The following MAOB variants were observed in gnomAD, a reference collection of about 807,000 sequenced individuals.
MAOB encodes the protein monoamine oxidase B.
A neutral mutation model predicts 41.9 loss-of-function variants in MAOB; 15 were observed. That is an observed-to-expected ratio of 0.36 (90% confidence interval 0.24 to 0.55). The LOEUF (loss-of-function observed/expected upper bound fraction) is 0.55. Ranked by LOEUF, MAOB falls within the 20% of genes least tolerant of loss-of-function variation. The pLI, the probability that MAOB is intolerant of heterozygous loss-of-function variation, is 0.86. For synonymous variants in MAOB, 167 were observed against 144.2 expected, an observed-to-expected ratio of 1.16 and a Z score of -1.13; for missense variants, 345 against 398.7, an observed-to-expected ratio of 0.87 and a Z score of 1.15.
chrX:43,848,517 T>G (rs1362041991), intron 1 of MAOB, among the ~76,000 whole-genome samples: 1 of 111,059 alleles, frequency 9.0e-6, no homozygotes, highest in African/African-American at 3.3e-5. Context: ...GTTTTTTTTT[T>G]TATGTTGTTG....
chrX:43,812,804 T>A (rs747154014), intron 3 of MAOB, among the ~76,000 whole-genome samples: 22 of 112,647 alleles, frequency 2.0e-4, no homozygotes, highest in Non-Finnish European at 3.4e-4. Flanking sequence ...ACAATGGCAA[T>A]GCTGCATTTT....
In MAOB at chrX:43,839,020, G is replaced by GA. The variant is rs756450891; in HGVS notation, c.142-16dup. 3.1e-5 allele frequency: 34 copies of GA among 1,114,727 alleles called. No homozygotes were observed. In the African/African-American group the frequency reaches 4.5e-4, roughly 15 times the overall value. The allele number at this position is 1,114,727 out of a possible 1,213,427, so 91.9% of individuals were successfully genotyped here. A position where few individuals can be genotyped will look rare whatever the true frequency, so the allele number is the denominator to read the frequency against. ...ACCTTTTGGTTCTGTTTTCCCATAGGAAAAAATTAAAAAAAATTTGTAAAA... is the reference window on the plus strand; with the variant it reads ...ACCTTTTGGTTCTGTTTTCCCATAGGAAAAAAATTAAAAAAAATTTGTAAAA... On this transcript the variant is annotated splice_polypyrimidine_tract_variant and intron_variant, in intron 2 of 14. Transcript: ENST00000378069.
At chrX:43,867,381 T>C (rs1183141492) in intron 1 of MAOB, among the ~76,000 whole-genome samples, 1 of 112,148 alleles carries the variant, frequency 8.9e-6, no homozygotes, top group African/African-American at 3.2e-5. Flanking sequence ...AGTTAATACA[T>C]AGCCCAAGAA....
chrX:43,815,765 A>T lies in MAOB; in HGVS notation c.280-12361T>A, dbSNP rs140077355. Among the ~76,000 whole-genome samples, 821 of 112,048 alleles carry T rather than the reference A, an allele frequency of 7.3e-3. 7 individuals carry two copies. Among genetic ancestry groups the T allele is most frequent in the African/African-American group, 0.025 (778 of 30,817 alleles). On this transcript the variant is annotated intron_variant, in intron 3 of 14. Transcript: ENST00000378069. ...CCACCAGAACTCTCATATCTTGCTA[A>T]TGGTAGTGTAATATAGTATATTCCC...
intron 6 of MAOB, among the ~76,000 whole-genome samples, chrX:43,796,186 T>C (rs919492392): frequency 1.8e-5 from 2 of 111,806 alleles, no homozygotes; most frequent in African/African-American, 6.5e-5. Flanking sequence ...CTCTCTGTCC[T>C]ATCTGCAGTC....
chrX:43,841,877 C>T (rs2035141547), intron 2 of MAOB, among the ~76,000 whole-genome samples: 1 of 111,589 alleles, frequency 9.0e-6, no homozygotes, highest in African/African-American at 3.3e-5. Flanking sequence ...TAAAAGTAGT[C>T]CCTTATCTTA....
At chrX:43,772,890 C>G (rs1337875411) in intron 12 of MAOB, among the ~76,000 whole-genome samples, 1 of 111,943 alleles carries the variant, frequency 8.9e-6, no homozygotes, top group Non-Finnish European at 1.9e-5. Context: ...CTTGCCTGTT[C>G]TCACTTTGCC....
intron 3 of MAOB, among the ~76,000 whole-genome samples, chrX:43,805,268 CCTAT>C (rs1382169078): frequency 9.3e-6 from 1 of 107,979 alleles, no homozygotes; most frequent in Non-Finnish European, 1.9e-5. Context: ...ACTTATTTCT[CCTAT>C]CTAACTAAAT....
chrX:43,874,919 G>A (rs1422979734), intron 1 of MAOB, among the ~76,000 whole-genome samples: 2 of 111,928 alleles, frequency 1.8e-5, no homozygotes, highest in African/African-American at 6.5e-5. Context: ...TTGCATGTAT[G>A]TGCTAGTCTT....
At chrX:43,837,124 A>C (rs2035080189) in intron 3 of MAOB, among the ~76,000 whole-genome samples, 1 of 112,406 alleles carries the variant, frequency 8.9e-6, no homozygotes, top group Non-Finnish European at 1.9e-5. Context: ...GGAGAAATTT[A>C]AAGATCCTAG....
intron 12 of MAOB, among the ~76,000 whole-genome samples, chrX:43,770,692 G>T (rs746321100): frequency 6.3e-5 from 7 of 111,697 alleles, no homozygotes; most frequent in Non-Finnish European, 1.3e-4. Flanking sequence ...TCAGTGATAT[G>T]CCAAGAGCCA....
At chrX:43,810,200 G>A (rs1350057491) in intron 3 of MAOB, among the ~76,000 whole-genome samples, 4 of 80,548 alleles carry the variant, frequency 5.0e-5, no homozygotes, top group East Asian at 3.7e-4. Context: ...CCGAGATCGC[G>A]CCACTGCACT....
intron 6 of MAOB, among the ~76,000 whole-genome samples, chrX:43,796,776 T>C (rs1410871790): frequency 1.8e-5 from 2 of 112,275 alleles, no homozygotes; most frequent in Non-Finnish European, 3.8e-5. Context: ...GTGTTTTAAA[T>C]TGAAAATGCA....
At chrX:43,855,868 T>C (rs2147173295) in intron 1 of MAOB, among the ~76,000 whole-genome samples, 1 of 111,227 alleles carries the variant, frequency 9.0e-6, no homozygotes, top group East Asian at 2.9e-4. Context: ...ATGGCCTCTG[T>C]CCCAGTGCTT....
At chrX:43,831,058 G>A (rs955607625) in intron 3 of MAOB, among the ~76,000 whole-genome samples, 4 of 109,149 alleles carry the variant, frequency 3.7e-5, no homozygotes, top group Non-Finnish European at 7.6e-5. Flanking sequence ...AGAAAATTCT[G>A]CAGCACAATA....
intron 1 of MAOB, among the ~76,000 whole-genome samples, chrX:43,860,198 G>T (rs905585368): frequency 9.0e-6 from 1 of 111,663 alleles, no homozygotes; most frequent in Non-Finnish European, 1.9e-5. Context: ...CTCCACTTTT[G>T]AGCCTCTTCT....
At chrX:43,855,465 C>T (rs945702168) in intron 1 of MAOB, among the ~76,000 whole-genome samples, 2 of 110,232 alleles carry the variant, frequency 1.8e-5, no homozygotes, top group African/African-American at 6.6e-5. Context: ...CATACATAAC[C>T]AGGGGCATTA....
In MAOB at chrX:43,766,640, C is replaced by T. The variant is rs1384175290; in HGVS notation, c.*826G>A. 9.0e-6 allele frequency: 1 copy of T among 111,442 alleles called. No homozygotes were observed. The highest frequency in any genetic ancestry group is 3.3e-5 in the African/African-American group (1 of 30,583). The allele number at this position is 111,442 out of a possible 1,213,427, so 9.2% of individuals were successfully genotyped here. A position where few individuals can be genotyped will look rare whatever the true frequency, so the allele number is the denominator to read the frequency against. The stretch of plus-strand genomic sequence containing the variant: ...TCAATCAACTTTTATTTTTAATTAC[C>T]CAAGTGTGTACTGTCCTTTGTATGA... On this transcript the variant is annotated 3_prime_UTR_variant, in exon 15 of 15. Coordinates refer to ENST00000378069, the MANE Select transcript of MAOB (RefSeq NM_000898.5).
rs1234066768 is a variant in MAOB, at chrX:43,769,438, G to A, written c.1236-20C>T. 9.2e-6 allele frequency: 11 copies of A among 1,200,015 alleles called. No individual in the cohort carries two copies. The highest frequency in any genetic ancestry group is 1.2e-5 in the Non-Finnish European group (11 of 891,029). ...AGAACCCTTGGAACAAAACCAAAGA[G>A]GCAAAAGTGGTCAGTCTCAGAGAGT... On this transcript the variant is annotated intron_variant, in intron 12 of 14. Coordinates refer to ENST00000378069, the MANE Select transcript of MAOB (RefSeq NM_000898.5).
Sources: gnomAD v4.1 joint callset for allele counts (sites outside exome capture counted in the v4.1 genomes callset) on GRCh38, gnomAD v4.1.1 for gene constraint, MANE v1.5 for transcripts, NCBI Gene and HGNC (gene_info 2026-07-23, HGNC 2026-07-21) for gene names.